The following MOGAT3 variants were observed in gnomAD, a reference collection of about 807,000 sequenced individuals.
The protein encoded by MOGAT3 is monoacylglycerol O-acyltransferase 3.
In MOGAT3, 39 loss-of-function variants were observed where a neutral mutation model predicts 34.4. The ratio of observed to expected loss-of-function variants is 1.13; its 90% confidence interval spans 0.88 to 1.48. MOGAT3 has a LOEUF of 1.48. Ranked by LOEUF, MOGAT3 falls within the 40% of genes most tolerant of loss-of-function variation. The pLI, the probability that MOGAT3 is intolerant of heterozygous loss-of-function variation, is 0.00. For synonymous variants in MOGAT3, 209 were observed against 179.2 expected (o/e 1.17, Z -1.33); for missense variants, 439 against 438.9 (o/e 1.00, Z 0.00).
chr7:101,196,108 G>T lies in MOGAT3; in HGVS notation c.872-8C>A. ...CGGGGATGGGGCGGCCCACTGCAGGGAGAGGGAGACAGGTGGGCGAGGGAT... is the reference window on the plus strand; with the variant it reads ...CGGGGATGGGGCGGCCCACTGCAGGTAGAGGGAGACAGGTGGGCGAGGGAT... On this transcript the variant is annotated splice_region_variant and splice_polypyrimidine_tract_variant and intron_variant, in intron 6 of 6. Transcript: ENST00000223114. 2 of 1,603,782 alleles carry T rather than the reference G, an allele frequency of 1.2e-6. No individual in the cohort carries two copies. The highest frequency in any genetic ancestry group is 2.2e-5 in the East Asian group (1 of 44,532).
chr7:101,198,521 C>T (rs1407846890), intron 4 of MOGAT3, 105 bp downstream of exon 4: 13 of 1,358,350 alleles, frequency 9.6e-6, no homozygotes, highest in African/African-American at 1.5e-5. Context: ...CAGGCTGGCC[C>T]CTGTCCTGGG....
chr7:101,200,081 C>G (rs559114434), intron 3 of MOGAT3, among the ~76,000 whole-genome samples, 153 bp downstream of exon 3: 1 of 150,208 alleles, frequency 6.7e-6, no homozygotes, highest in Admixed American at 6.6e-5. Flanking sequence ...TGACAGGAGA[C>G]TCAGTCTAAA....
rs1476667442 is a variant in MOGAT3 at position 101,195,130 on chromosome 7, A to G, written c.*816T>C. ...GGACAGTTCAGGGTCCTGATACCCAATCTAAGGCAGCAGCTTTGTAGCACA... is the reference window on the plus strand; with the variant it reads ...GGACAGTTCAGGGTCCTGATACCCAGTCTAAGGCAGCAGCTTTGTAGCACA... On this transcript the variant is annotated 3_prime_UTR_variant, in exon 7 of 7. Transcript: ENST00000223114. 3.3e-5 allele frequency: 5 copies of G among 152,328 alleles called. No homozygotes were observed. Among genetic ancestry groups the G allele is most frequent in the African/African-American group, 1.2e-4 (5 of 41,470 alleles). The allele number at this position is 152,328 out of a possible 1,614,324, so 9.4% of individuals were successfully genotyped here.
chr7:101,198,640 T>C lies in MOGAT3; in HGVS notation c.479A>G (p.Tyr160Cys), dbSNP rs554212056. Residue 160 changes from tyrosine to cysteine, a missense_variant, in exon 4 of 7, where the codon TAC becomes TGC. Transcript: ENST00000223114. ...ATTCGGCTCACCAAAGGACATGATG[T>C]AGTCGCGATAGACCGGGAGGTAGAA... The part of the protein sequence containing the change: ...GLFYLPVYRD[Y>C]IMSFGLCPVS... 1 of 1,612,980 alleles carries C rather than the reference T, an allele frequency of 6.2e-7. No homozygotes were observed. Among genetic ancestry groups the C allele is most frequent in the African/African-American group, 1.3e-5 (1 of 74,914 alleles).
chr7:101,197,669 G>A (rs1359391001), intron 5 of MOGAT3, among the ~76,000 whole-genome samples: 1 of 152,162 alleles, frequency 6.6e-6, no homozygotes, highest in Non-Finnish European at 1.5e-5. Flanking sequence ...GAAGGCCAAG[G>A]TGGGCGGATC....
At chr7:101,197,549 C>T (rs1443846842) in intron 5 of MOGAT3, among the ~76,000 whole-genome samples, 1 of 152,072 alleles carries the variant, frequency 6.6e-6, no homozygotes, top group Non-Finnish European at 1.5e-5. Context: ...TTTTCTCATT[C>T]GGTCTTTGCA....
At chr7:101,196,427 C>T in intron 5 of MOGAT3, 38 bp from the exon 6 acceptor site, 1 of 1,520,956 alleles carries the variant, frequency 6.6e-7, no homozygotes, top group Non-Finnish European at 8.9e-7. Context: ...GCTCAGGCTG[C>T]TGGACTGCTC....
chr7:101,199,000 GTTTT>G (rs56137538), intron 3 of MOGAT3, among the ~76,000 whole-genome samples, 170 bp from the exon 4 acceptor site: 1 of 100,198 alleles, frequency 1.0e-5, no homozygotes. Context: ...AAGGGCCCAG[GTTTT>G]TTTTTTTTTT....
chr7:101,199,676 G>A (rs549948654), intron 3 of MOGAT3, among the ~76,000 whole-genome samples: 3 of 145,496 alleles, frequency 2.1e-5, no homozygotes, highest in African/African-American at 7.7e-5. Flanking sequence ...GTACAGTGGC[G>A]CAATCATGGC....
At chr7:101,200,150 G>T in intron 3 of MOGAT3, 84 bp downstream of exon 3, 2 of 1,186,276 alleles carry the variant, frequency 1.7e-6, no homozygotes, top group African/African-American at 1.5e-5. Flanking sequence ...GGGAGCTCAG[G>T]CCCCAGCACA....
intron 3 of MOGAT3, among the ~76,000 whole-genome samples, chr7:101,199,571 C>T (rs1797894456): frequency 1.3e-5 from 2 of 151,476 alleles, no homozygotes; most frequent in African/African-American, 4.8e-5. Context: ...CCACCTCAGC[C>T]TCCCAAAGTG....
rs763104912 is a variant in MOGAT3, at chr7:101,200,391, C to T, written c.217+17G>A. 6.2e-7 allele frequency: 1 copy of T among 1,611,576 alleles called. No individual in the cohort carries two copies. The highest frequency in any genetic ancestry group is 8.5e-7 in the Non-Finnish European group (1 of 1,178,062). ...CCCCACCATCTCTGGCTACCTGGGC[C>T]CCCATCCGGAGCTCACCTTGGTTGG... On this transcript the variant is annotated intron_variant, in intron 2 of 6. Coordinates refer to ENST00000223114, the MANE Select transcript of MOGAT3 (RefSeq NM_178176.4).
Position 101,198,653 on chromosome 7 carries a change from C to A in MOGAT3, c.466G>T (p.Val156Phe), listed in dbSNP as rs202188378. 6.2e-7 allele frequency: 1 copy of A among 1,613,560 alleles called. No homozygotes were observed. Among genetic ancestry groups the A allele is most frequent in the Non-Finnish European group, 8.5e-7 (1 of 1,180,032 alleles). Reference protein sequence around the residue: ...AVLAGLFYLPVYRDYIMSFGL... With the variant: ...AVLAGLFYLPFYRDYIMSFGL... ...AAGGACATGATGTAGTCGCGATAGA[C>A]CGGGAGGTAGAAGAGGCCAGCCAGC... Residue 156 changes from valine (V) to phenylalanine (F), a missense_variant, in exon 4 of 7, where the codon GTC (valine) becomes TTC (phenylalanine). Coordinates refer to ENST00000223114, the MANE Select transcript of MOGAT3 (RefSeq NM_178176.4).
chr7:101,198,940 C>A, intron 3 of MOGAT3, 110 bp from the exon 4 acceptor site: 1 of 865,772 alleles, frequency 1.2e-6, no homozygotes, highest in Non-Finnish European at 1.8e-6. Flanking sequence ...AGGATAGGGT[C>A]AAGGGCCACC....
Position 101,200,950 on chromosome 7 carries a change from G to T in MOGAT3, c.-96C>A, listed in dbSNP as rs1797941247. Reference sequence around the variant, plus strand: ...CTGGGCAGACTTTCTCCCTACAGGAGCCCAGCTTTGGGGGCCTGGCTAAGT... The same window carrying T: ...CTGGGCAGACTTTCTCCCTACAGGATCCCAGCTTTGGGGGCCTGGCTAAGT... On this transcript the variant is annotated 5_prime_UTR_variant, in exon 1 of 7. Coordinates refer to ENST00000223114, the MANE Select transcript of MOGAT3 (RefSeq NM_178176.4). 10 of 998,198 alleles carry T rather than the reference G, an allele frequency of 1.0e-5. No individual in the cohort carries two copies. In the Admixed American group the frequency reaches 1.5e-4, roughly 15 times the overall value. The allele number at this position is 998,198 out of a possible 1,614,324, so 61.8% of individuals were successfully genotyped here. A position where few individuals can be genotyped will look rare whatever the true frequency, so the allele number is the denominator to read the frequency against.
chr7:101,198,546 T>TGGG, intron 4 of MOGAT3, 80 bp downstream of exon 4: 3 of 1,204,168 alleles, frequency 2.5e-6, no homozygotes, highest in Non-Finnish European at 3.5e-6. Context: ...GGACTTATTA[T>TGGG]GGGGGGGGGT....
chr7:101,198,950 C>A, intron 3 of MOGAT3, 120 bp from the exon 4 acceptor site: 1 of 807,238 alleles, frequency 1.2e-6, no homozygotes, highest in Non-Finnish European at 2.0e-6. Context: ...CAAGGGCCAC[C>A]CCAGCAGAGT....
In MOGAT3 at chr7:101,198,253, G is replaced by C; in HGVS notation, c.606C>G (p.Pro202=). ...GGAHEALYSV[P]GEHCLTLQKR... The stretch of plus-strand genomic sequence containing the variant: ...TCTGGAGCGTAAGGCAGTGCTCCCC[G>C]GGGACTGAATACAGGGCCTCGTGCG... The change falls in exon 5 of 7, where the codon CCC becomes CCG. Residue 202 remains proline, a synonymous_variant. Transcript: ENST00000223114. 1 of 1,613,472 alleles carries C rather than the reference G, an allele frequency of 6.2e-7. No individual in the cohort carries two copies. The highest frequency in any genetic ancestry group is 8.5e-7 in the Non-Finnish European group (1 of 1,179,704).
In MOGAT3 at chr7:101,198,741, A is replaced by G. The variant is rs1481874620; in HGVS notation, c.378T>C (p.Asn126=). The change falls in exon 4 of 7, where the codon AAT becomes AAC. Residue 126 remains asparagine, a synonymous_variant. Transcript: ENST00000223114. ...HGIMCTGFLC[N]FSTESNGFSQ... ...AGAAGCCATTGCTCTCGGTGGAGAA[A>G]TTACAGAGGAAGCCTGTACACATGA... is the stretch of plus-strand genomic sequence containing the variant. 6.2e-7 allele frequency: 1 copy of G among 1,612,090 alleles called. No individual in the cohort carries two copies. Among genetic ancestry groups the G allele is most frequent in the Non-Finnish European group, 8.5e-7 (1 of 1,179,356 alleles).
Sources: gnomAD v4.1 joint callset for allele counts (sites outside exome capture counted in the v4.1 genomes callset) on GRCh38, gnomAD v4.1.1 for gene constraint, MANE v1.5 for transcripts, NCBI Gene and HGNC (gene_info 2026-07-23, HGNC 2026-07-21) for gene names.